TMEM268: variants seen among roughly 807,000 people sequenced by gnomAD.
TMEM268 encodes the protein transmembrane protein 268, also known as transmembrane protein C9orf91.
A neutral mutation model predicts 39.1 loss-of-function variants in TMEM268; 24 were observed. The ratio of observed to expected loss-of-function variants is 0.61; its 90% confidence interval spans 0.44 to 0.86. The LOEUF is 0.86. Among genes scored for constraint, TMEM268 ranks in the 40% least tolerant of loss-of-function variants. The probability of loss-of-function intolerance (pLI) is 0.00; values close to 1 mark genes in which losing one functional copy is unlikely to be tolerated. For missense variants in TMEM268, 409 were observed against 428.6 expected, an observed-to-expected ratio of 0.95 and a Z score of 0.40; for synonymous variants, 176 against 173.5, an observed-to-expected ratio of 1.01 and a Z score of -0.12.
At chr9:114,616,992 A>C in intron 1 of TMEM268, 126 bp from the exon 2 acceptor site, 1 of 479,364 alleles carries the variant, frequency 2.1e-6, no homozygotes, top group Non-Finnish European at 3.8e-6. Flanking sequence ...AAAAGGCCAA[A>C]GTTGGCAAAA....
intron 2 of TMEM268, chr9:114,622,428 A>G: frequency 8.1e-6 from 8 of 985,098 alleles, no homozygotes; most frequent in Non-Finnish European, 9.6e-6. Flanking sequence ...CCAGTGGCTC[A>G]CAGGGCCTTG....
intron 6 of TMEM268, 60 bp from the exon 7 acceptor site, chr9:114,636,930 G>T: frequency 9.3e-7 from 1 of 1,070,798 alleles, no homozygotes; most frequent in Non-Finnish European, 1.5e-6. Flanking sequence ...TCTCAGGGAG[G>T]AAGAGTTCAG....
chr9:114,629,742 C>T (rs1259419727), intron 5 of TMEM268, among the ~76,000 whole-genome samples: 1 of 152,174 alleles, frequency 6.6e-6, no homozygotes, highest in East Asian at 1.9e-4. Flanking sequence ...TTGCCTGACT[C>T]AGAAAGAGGG....
chr9:114,633,699 A>G (rs369736654), intron 5 of TMEM268, 69 bp from the exon 6 acceptor site: 1 of 765,768 alleles, frequency 1.3e-6, no homozygotes, highest in Non-Finnish European at 2.1e-6. Flanking sequence ...GTGTGTTTCT[A>G]CTGCCCAGAG....
chr9:114,633,825 CG>C lies in TMEM268; in HGVS notation c.535del (p.Val179CysfsTer5). Reference sequence around the variant, plus strand: ...TGCCAATGGAGCCCTCCTGAGACACCGGGTGCTGCTGGGGGTGACAGACACA... The same window carrying C: ...TGCCAATGGAGCCCTCCTGAGACACCGGTGCTGCTGGGGGTGACAGACACA... ...AAANGALLRH[R>X]VLLGVTDTVE... On this transcript the variant is annotated frameshift_variant, in exon 6 of 9. Transcript: ENST00000288502. LOFTEE classifies it high-confidence loss of function. The C allele has an allele frequency of 6.2e-7, 1 of 1,607,004 alleles. No homozygotes were observed. The highest frequency in any genetic ancestry group is 1.1e-5 in the South Asian group (1 of 90,104).
chr9:114,641,076 A>G (rs951100049), intron 8 of TMEM268, among the ~76,000 whole-genome samples: 1 of 152,088 alleles, frequency 6.6e-6, no homozygotes, highest in Non-Finnish European at 1.5e-5. Context: ...GGTTTTCACC[A>G]TGTTGGCCAG....
Position 114,643,379 on chromosome 9 carries a change from A to G in TMEM268, c.*66A>G. On this transcript the variant is annotated 3_prime_UTR_variant, in exon 9 of 9. Transcript: ENST00000288502. The stretch of plus-strand genomic sequence containing the variant: ...GTCAGGAAGGCTTCAGGAGCCCAAG[A>G]TGGCCAATGGGGAGCCCCAGGTGAG... 1 of 1,465,584 alleles carries G rather than the reference A, an allele frequency of 6.8e-7. No homozygotes were observed. Among genetic ancestry groups the G allele is most frequent in the Non-Finnish European group, 9.5e-7 (1 of 1,055,526 alleles). 90.8% of individuals were successfully genotyped at this position (1,465,584 alleles called of 1,614,324 possible).
chr9:114,618,386 G>A (rs1190451047), intron 2 of TMEM268, among the ~76,000 whole-genome samples: 4 of 151,690 alleles, frequency 2.6e-5, no homozygotes, highest in Admixed American at 2.6e-4. Flanking sequence ...CAGACATGGT[G>A]GCTCACACCT....
intron 4 of TMEM268, among the ~76,000 whole-genome samples, 174 bp downstream of exon 4, chr9:114,627,180 A>G (rs548685613): frequency 7.2e-5 from 11 of 152,274 alleles, no homozygotes; most frequent in African/African-American, 2.6e-4. Context: ...GAGGAAATTT[A>G]TGGGAGAGAG....
In TMEM268 at chr9:114,624,244, A is replaced by T. The variant is rs569492382; in HGVS notation, c.107-106A>T. ...GGCCACCGTGTCCCTCCTTGTTGCG[A>T]GGAGGTTCTCATGGCCAGAGGTGTG... On this transcript the variant is annotated intron_variant, in intron 2 of 8. Coordinates refer to ENST00000288502, the MANE Select transcript of TMEM268 (RefSeq NM_153045.4). 5.2e-4 allele frequency: 782 copies of T among 1,504,416 alleles called. 4 individuals are homozygous for T. Among genetic ancestry groups the T allele is most frequent in the Middle Eastern group, 2.4e-3 (12 of 5,094 alleles). 93.2% of individuals were successfully genotyped at this position (1,504,416 alleles called of 1,614,324 possible).
intron 1 of TMEM268, among the ~76,000 whole-genome samples, chr9:114,616,478 G>A (rs1395976589): frequency 6.6e-6 from 1 of 152,070 alleles, no homozygotes; most frequent in African/African-American, 2.4e-5. Context: ...CTGTTCTGCT[G>A]CCTCAGCCTC....
upstream of TMEM268, among the ~76,000 whole-genome samples, chr9:114,609,643 C>T (rs1431235440): frequency 1.4e-5 from 2 of 147,290 alleles, no homozygotes; most frequent in East Asian, 4.1e-4. Context: ...TGAGCTGTGA[C>T]TGCACCACTG....
intron 8 of TMEM268, among the ~76,000 whole-genome samples, chr9:114,641,210 AG>A: frequency 6.6e-6 from 1 of 152,192 alleles, no homozygotes; most frequent in South Asian, 2.1e-4. Context: ...TGTAACTTAG[AG>A]GGGTCAGTGC....
the TMEM268 span, among the ~76,000 whole-genome samples, chr9:114,604,299 C>T: frequency 6.6e-6 from 1 of 151,990 alleles, no homozygotes; most frequent in African/African-American, 2.4e-5. Context: ...TGATAAAAGG[C>T]ATAAAATATG....
At chr9:114,613,348 CCT>C (rs1845579677) in intron 1 of TMEM268, among the ~76,000 whole-genome samples, 5 of 152,206 alleles carry the variant, frequency 3.3e-5, no homozygotes, top group African/African-American at 1.2e-4. Flanking sequence ...GGGCATGGTC[CCT>C]CGTGGCTGCT....
At chr9:114,641,558 G>C (rs1332632936) in intron 8 of TMEM268, among the ~76,000 whole-genome samples, 1 of 152,130 alleles carries the variant, frequency 6.6e-6, no homozygotes, top group African/African-American at 2.4e-5. Context: ...CGTGGCTCAC[G>C]CCTGTAATCC....
At chr9:114,626,771 T>TCCAA in intron 3 of TMEM268, 128 bp from the exon 4 acceptor site, 1 of 626,684 alleles carries the variant, frequency 1.6e-6, no homozygotes, top group Non-Finnish European at 2.9e-6. Flanking sequence ...CACCCAGTGC[T>TCCAA]CCAAGCTCCT....
At position 114,637,869 on chromosome 9, in the gene TMEM268, C is replaced by T. The variant is rs540984216; in HGVS notation, c.667-675C>T. 5.9e-5 allele frequency among the ~76,000 whole-genome samples: 9 copies of T among 152,282 alleles called. No homozygotes were observed. The South Asian group carries it at 6.2e-4, about 11-fold the overall frequency. Reference sequence around the variant, plus strand: ...TCTAGGATTAGCCTTTTCTGAGCCCCGGCTGCAGTGAGTCTTGAAGTCAGA... The same window carrying T: ...TCTAGGATTAGCCTTTTCTGAGCCCTGGCTGCAGTGAGTCTTGAAGTCAGA... On this transcript the variant is annotated intron_variant, in intron 7 of 8. Transcript: ENST00000288502.
rs115691052 is a variant in TMEM268 at position 114,628,293 on chromosome 9, C to G, written c.474+43C>G. On this transcript the variant is annotated intron_variant, in intron 5 of 8. Coordinates refer to ENST00000288502, the MANE Select transcript of TMEM268 (RefSeq NM_153045.4). ...CCCTGCCACACTCTCTCCAGAAGAG[C>G]GGTGCAGGCGTGAGAATCAGATTTT... 17,353 of 1,589,146 alleles carry G rather than the reference C, an allele frequency of 0.011. 1,112 individuals carry two copies. In the Admixed American group the frequency reaches 0.14, roughly 13 times the overall value.
Sources: gnomAD v4.1 joint callset for allele counts (sites outside exome capture counted in the v4.1 genomes callset) on GRCh38, gnomAD v4.1.1 for gene constraint, MANE v1.5 for transcripts, NCBI Gene and HGNC (gene_info 2026-07-23, HGNC 2026-07-21) for gene names.